OXR1: variants seen among roughly 807,000 people sequenced by gnomAD.
OXR1 encodes the protein oxidation resistance protein 1.
In OXR1, 41 loss-of-function variants were observed where a neutral mutation model predicts 104.6. The ratio of observed to expected loss-of-function variants is 0.39; its 90% CI spans 0.31 to 0.51. OXR1 has a LOEUF of 0.51. Ranked by LOEUF, OXR1 falls within the 20% of genes least tolerant of loss-of-function variation. The pLI, the probability that OXR1 is intolerant of heterozygous loss-of-function variation, is 0.77. For missense variants in OXR1, 955 were observed against 1,031.9 expected (o/e 0.93, Z 1.02); for synonymous variants, 348 against 348.4 (o/e 1.00, Z 0.01).
At chr8:106,388,131 A>G (rs1280141629) in intron 2 of OXR1, among the ~76,000 whole-genome samples, 2 of 152,240 alleles carry the variant, frequency 1.3e-5, no homozygotes. Flanking sequence ...AGGGAAGGAA[A>G]AGGTGACAGT....
At chr8:106,301,715 A>C (rs986363856) in intron 1 of OXR1, among the ~76,000 whole-genome samples, 3 of 152,216 alleles carry the variant, frequency 2.0e-5, no homozygotes, top group African/African-American at 4.8e-5. Context: ...TAATTTCCTT[A>C]TCAGTTAAAA....
At chr8:106,512,411 A>G (rs973138878) in intron 2 of OXR1, among the ~76,000 whole-genome samples, 1 of 152,144 alleles carries the variant, frequency 6.6e-6, no homozygotes, top group African/African-American at 2.4e-5. Flanking sequence ...TGTTGCTACT[A>G]TTACCACCAA....
intron 2 of OXR1, among the ~76,000 whole-genome samples, chr8:106,456,538 T>C (rs1820603134): frequency 6.6e-6 from 1 of 152,220 alleles, no homozygotes; most frequent in Non-Finnish European, 1.5e-5. Context: ...GGAAGTTATT[T>C]AATGCCATCA....
intron 1 of OXR1, among the ~76,000 whole-genome samples, chr8:106,276,870 A>T (rs1586462296): frequency 6.6e-6 from 1 of 152,288 alleles, no homozygotes; most frequent in African/African-American, 2.4e-5. Context: ...TGGGATGAAA[A>T]TAAGTAGAGC....
At chr8:106,726,233 C>T (rs769436005) in intron 11 of OXR1, 1 of 1,521,392 alleles carries the variant, frequency 6.6e-7, no homozygotes, top group South Asian at 1.2e-5. Context: ...TTAATTTGCC[C>T]TGGAAAGGAA....
intron 3 of OXR1, chr8:106,656,068 G>A (rs772128554): frequency 3.3e-5 from 5 of 152,206 alleles, no homozygotes; most frequent in Non-Finnish European, 7.4e-5. Flanking sequence ...AATTATTAAT[G>A]AGAATTAGAC....
intron 15 of OXR1, among the ~76,000 whole-genome samples, chr8:106,744,675 AAAT>A (rs1835228038): frequency 3.3e-5 from 5 of 152,314 alleles, no homozygotes; most frequent in Admixed American, 3.3e-4. Flanking sequence ...CATGCCAATA[AAAT>A]CTAAAATGTA....
intron 3 of OXR1, among the ~76,000 whole-genome samples, chr8:106,540,358 A>T (rs1162086421): frequency 6.6e-6 from 1 of 152,208 alleles, no homozygotes; most frequent in African/African-American, 2.4e-5. Flanking sequence ...GACTATATGA[A>T]AATAATAAAT....
chr8:106,689,603 A>C (rs1010981406), intron 6 of OXR1, among the ~76,000 whole-genome samples: 1 of 151,952 alleles, frequency 6.6e-6, no homozygotes, highest in African/African-American at 2.4e-5. Flanking sequence ...GGAAAGGGGA[A>C]ATTTAGAAAA....
intron 2 of OXR1, among the ~76,000 whole-genome samples, chr8:106,463,568 A>T (rs1466774556): frequency 1.3e-5 from 2 of 152,106 alleles, no homozygotes; most frequent in African/African-American, 4.8e-5. Flanking sequence ...GTATGATGAG[A>T]ATACATGATG....
At chr8:106,718,117 T>C (rs1389462599) in intron 11 of OXR1, among the ~76,000 whole-genome samples, 2 of 152,214 alleles carry the variant, frequency 1.3e-5, no homozygotes, top group Non-Finnish European at 2.9e-5. Flanking sequence ...TTGTCTTCCC[T>C]TTTAATCTTG....
chr8:106,558,119 G>C (rs59754708), intron 3 of OXR1, among the ~76,000 whole-genome samples: 8,655 of 152,132 alleles, frequency 0.057, 425 homozygotes, highest in African/African-American at 0.13. Flanking sequence ...CAGAGTGGGC[G>C]TAACAATCAT....
chr8:106,434,982 G>A lies in OXR1; in HGVS notation c.23+75346G>A, dbSNP rs1407994690. 3.9e-5 allele frequency among the ~76,000 whole-genome samples: 6 copies of A among 152,078 alleles called. No homozygotes were observed. In the East Asian group the frequency reaches 7.7e-4, roughly 20 times the overall value. On this transcript the variant is annotated intron_variant, in intron 2 of 16. Coordinates refer to ENST00000517566, the MANE Select transcript of OXR1 (RefSeq NM_001198533.2). The stretch of plus-strand genomic sequence containing the variant: ...TGCTATGAAGCATATAACACAGGGC[G>A]GCATGACTGAAGGTGAATGGGTAGG...
intron 2 of OXR1, among the ~76,000 whole-genome samples, chr8:106,497,634 G>A (rs542859485): frequency 1.3e-5 from 2 of 152,282 alleles, no homozygotes; most frequent in East Asian, 1.9e-4. Flanking sequence ...CCATAAATGT[G>A]TATTTGATGA....
At chr8:106,365,400 G>A (rs1307655518) in intron 2 of OXR1, among the ~76,000 whole-genome samples, 3 of 147,444 alleles carry the variant, frequency 2.0e-5, no homozygotes, top group African/African-American at 7.5e-5. Flanking sequence ...GTTTAGGGGA[G>A]CATAAATTAA....
chr8:106,306,688 A>G (rs1170674208), intron 1 of OXR1, among the ~76,000 whole-genome samples: 1 of 152,212 alleles, frequency 6.6e-6, no homozygotes, highest in Non-Finnish European at 1.5e-5. Flanking sequence ...TTCGATTTTT[A>G]TCAATTTCTA....
intron 3 of OXR1, among the ~76,000 whole-genome samples, chr8:106,531,613 T>G (rs183428379): frequency 6.6e-6 from 1 of 152,318 alleles, no homozygotes; most frequent in East Asian, 1.9e-4. Context: ...TGACTCTGAT[T>G]TATTGAGTGT....
At chr8:106,716,891 C>G (rs1420850859) in intron 11 of OXR1, among the ~76,000 whole-genome samples, 3 of 151,976 alleles carry the variant, frequency 2.0e-5, no homozygotes, top group Non-Finnish European at 1.5e-5. Flanking sequence ...CTCATGGATA[C>G]TAAGTGCCTA....
chr8:106,309,978 T>C (rs1489114128), intron 1 of OXR1, among the ~76,000 whole-genome samples: 2 of 151,830 alleles, frequency 1.3e-5, no homozygotes, highest in Non-Finnish European at 2.9e-5. Flanking sequence ...CCGGTTTACC[T>C]CTGTGATTCT....
Sources: allele counts gnomAD v4.1 joint callset (sites outside exome capture counted in the v4.1 genomes callset), GRCh38; gene constraint gnomAD v4.1.1; transcripts MANE v1.5; gene names NCBI Gene and HGNC (gene_info 2026-07-23, HGNC 2026-07-21).